The following DOCK3 variants were observed in gnomAD, a reference collection of about 807,000 sequenced individuals.
DOCK3 encodes dedicator of cytokinesis protein 3.
Under a neutral mutation model 265.6 loss-of-function variants are expected in DOCK3, and 60 were observed. That is an observed-to-expected ratio of 0.23 (90% confidence interval 0.18 to 0.28). The LOEUF (loss-of-function observed/expected upper bound fraction) is 0.28, where lower values mean the gene tolerates loss of function less well. Among genes scored for constraint, DOCK3 ranks in the 10% least tolerant of loss-of-function variants. The pLI, the probability that DOCK3 is intolerant of heterozygous loss-of-function variation, is 1.00. For synonymous variants in DOCK3, 881 were observed against 938.0 expected (o/e 0.94, Z 1.11); for missense variants, 1,981 against 2,594.3 (o/e 0.76, Z 5.14).
intron 36 of DOCK3, 118 bp downstream of exon 36, chr3:51,338,537 C>A: frequency 8.8e-7 from 1 of 1,136,962 alleles, no homozygotes; most frequent in Non-Finnish European, 1.3e-6. Flanking sequence ...TGAATCAGGA[C>A]ATCAGCTCTG....
intron 5 of DOCK3, among the ~76,000 whole-genome samples, chr3:51,010,804 G>A (rs1362730727): frequency 6.6e-6 from 1 of 152,140 alleles, no homozygotes; most frequent in Non-Finnish European, 1.5e-5. Flanking sequence ...AGCTCTTGTA[G>A]GGCAGGCTTG....
intron 5 of DOCK3, among the ~76,000 whole-genome samples, chr3:51,022,099 TG>T (rs2079619519): frequency 6.6e-6 from 1 of 152,248 alleles, no homozygotes; most frequent in South Asian, 2.1e-4. Flanking sequence ...GTTAGAAATT[TG>T]TATTTATTTT....
chr3:51,208,646 A>G, intron 12 of DOCK3, 128 bp from the exon 13 acceptor site: 1 of 734,994 alleles, frequency 1.4e-6, no homozygotes, highest in East Asian at 2.7e-5. Flanking sequence ...TAATTTAGTA[A>G]AACAGAACAT....
chr3:50,787,154 A>G, intron 2 of DOCK3: 1 of 671,976 alleles, frequency 1.5e-6, no homozygotes, highest in Non-Finnish European at 2.7e-6. Context: ...GCCGGTGAAG[A>G]TATAGCTCAC....
intron 27 of DOCK3, among the ~76,000 whole-genome samples, chr3:51,287,854 A>G (rs1323907208): frequency 3.3e-5 from 5 of 152,252 alleles, no homozygotes; most frequent in African/African-American, 7.2e-5. Context: ...TCACAGAACT[A>G]TTCACAATAG....
chr3:51,251,481 C>A (rs1182694106), intron 22 of DOCK3, among the ~76,000 whole-genome samples: 4 of 152,242 alleles, frequency 2.6e-5, no homozygotes, highest in African/African-American at 9.6e-5. Flanking sequence ...ATTTACACTT[C>A]CACCAACAGT....
At chr3:50,964,353 CCAAA>C (rs968195744) in intron 5 of DOCK3, among the ~76,000 whole-genome samples, 2 of 152,008 alleles carry the variant, frequency 1.3e-5, no homozygotes, top group Non-Finnish European at 2.9e-5. Flanking sequence ...ATTGGAATTA[CCAAA>C]CAATGATGTT....
chr3:51,225,904 CT>C, intron 15 of DOCK3, 131 bp downstream of exon 15: 1 of 1,247,924 alleles, frequency 8.0e-7, no homozygotes, highest in Non-Finnish European at 1.1e-6. Context: ...CTGCCTTTTT[CT>C]TTCTTGAAGA....
intron 5 of DOCK3, among the ~76,000 whole-genome samples, chr3:51,012,037 G>C (rs889703653): frequency 2.6e-5 from 4 of 152,108 alleles, no homozygotes; most frequent in Admixed American, 6.5e-5. Flanking sequence ...TGCCCCTACT[G>C]GGGGGTCCCT....
At chr3:51,012,564 G>C (rs2078994945) in intron 5 of DOCK3, among the ~76,000 whole-genome samples, 1 of 152,168 alleles carries the variant, frequency 6.6e-6, no homozygotes, top group South Asian at 2.1e-4. Flanking sequence ...CCTTGGCTAG[G>C]AAAGGGATTT....
At chr3:51,084,540 C>G (rs1265822384) in intron 7 of DOCK3, among the ~76,000 whole-genome samples, 7 of 152,054 alleles carry the variant, frequency 4.6e-5, no homozygotes. Flanking sequence ...TCTTTCTAGA[C>G]AAGCAAAAAC....
At chr3:51,342,554 A>G (rs1362699643) in intron 38 of DOCK3, among the ~76,000 whole-genome samples, 1 of 152,178 alleles carries the variant, frequency 6.6e-6, no homozygotes, top group South Asian at 2.1e-4. Context: ...GCTCACAGGG[A>G]ATGACATAAG....
chr3:50,835,205 T>C (rs2045431687), intron 2 of DOCK3, among the ~76,000 whole-genome samples: 1 of 152,214 alleles, frequency 6.6e-6, no homozygotes, highest in African/African-American at 2.4e-5. Flanking sequence ...CCCTTTAATC[T>C]AGGCAAAATC....
At chr3:51,113,301 G>C (rs1189813686) in intron 9 of DOCK3, among the ~76,000 whole-genome samples, 1 of 152,096 alleles carries the variant, frequency 6.6e-6, no homozygotes, top group African/African-American at 2.4e-5. Context: ...TCTCTAAAGA[G>C]GTGACACTGA....
intron 27 of DOCK3, among the ~76,000 whole-genome samples, chr3:51,295,251 A>G (rs1333755367): frequency 1.3e-5 from 2 of 152,244 alleles, no homozygotes; most frequent in Non-Finnish European, 2.9e-5. Context: ...GGCTGCTTCC[A>G]CTCATGGCAG....
At chr3:50,857,958 G>T (rs1008430825) in intron 3 of DOCK3, among the ~76,000 whole-genome samples, 1 of 151,950 alleles carries the variant, frequency 6.6e-6, no homozygotes, top group Non-Finnish European at 1.5e-5. Context: ...AAATCATGCT[G>T]CTATAAAGAC....
chr3:50,869,318 C>A, intron 3 of DOCK3, among the ~76,000 whole-genome samples: 2 of 82,514 alleles, frequency 2.4e-5, no homozygotes, highest in East Asian at 3.1e-4. Flanking sequence ...TTCTTTATTT[C>A]AATTTTATTT....
chr3:50,681,381 T>C (rs1376817566), intron 1 of DOCK3, among the ~76,000 whole-genome samples: 4 of 152,238 alleles, frequency 2.6e-5, no homozygotes, highest in African/African-American at 9.6e-5. Flanking sequence ...TTTGTGTCTT[T>C]ATTCTTTAAG....
chr3:50,912,378 C>G (rs1411858093), intron 4 of DOCK3, among the ~76,000 whole-genome samples: 1 of 152,076 alleles, frequency 6.6e-6, no homozygotes, highest in Non-Finnish European at 1.5e-5. Context: ...TAGGTCTGTG[C>G]TGGGTCAGAC....
Sources: allele counts gnomAD v4.1 joint callset (sites outside exome capture counted in the v4.1 genomes callset), GRCh38; gene constraint gnomAD v4.1.1; transcripts MANE v1.5; gene names NCBI Gene and HGNC (gene_info 2026-07-23, HGNC 2026-07-21).